TOX2: variants seen among roughly 807,000 people sequenced by gnomAD.
TOX2 encodes TOX high mobility group box family member 2.
A neutral mutation model predicts 47.4 loss-of-function variants in TOX2; 15 were observed. The observed-to-expected ratio is 0.32, with a 90% confidence interval of 0.21 to 0.49. The LOEUF (loss-of-function observed/expected upper bound fraction) is 0.49, where lower values mean the gene tolerates loss of function less well. TOX2 is among the 20% of genes least tolerant of loss of function. The probability of loss-of-function intolerance (pLI) is 0.99; values close to 1 mark genes in which losing one functional copy is unlikely to be tolerated. For missense variants in TOX2, 622 were observed against 673.1 expected (o/e 0.92, Z 0.84); for synonymous variants, 290 against 296.6 (o/e 0.98, Z 0.23).
intron 4 of TOX2, among the ~76,000 whole-genome samples, chr20:44,052,326 G>T (rs564993759): frequency 6.6e-6 from 1 of 152,222 alleles, no homozygotes; most frequent in Non-Finnish European, 1.5e-5. Flanking sequence ...AGAACATCTT[G>T]TCTTACCAGG....
chr20:43,919,693 G>T (rs1317309879), intron 1 of TOX2, among the ~76,000 whole-genome samples: 1 of 152,086 alleles, frequency 6.6e-6, no homozygotes, highest in Non-Finnish European at 1.5e-5. Context: ...CACTTGACAG[G>T]CCCCGGTGTG....
rs187870876 is a variant in TOX2 at position 44,011,262 on chromosome 20, C to A, written c.411+4470C>A. On this transcript the variant is annotated intron_variant, in intron 3 of 8. Coordinates refer to ENST00000341197, the MANE Select transcript of TOX2 (RefSeq NM_001098797.2). Reference sequence around the variant, plus strand: ...CTTTGGGGGACATTTTTCAACCTACCACAGTGATCCTCAGCTGTGCGACAG... The same window carrying A: ...CTTTGGGGGACATTTTTCAACCTACAACAGTGATCCTCAGCTGTGCGACAG... Among the ~76,000 whole-genome samples the A allele has an allele frequency of 7.2e-4, 109 of 152,238 alleles. 2 individuals are homozygous for A. The highest frequency in any genetic ancestry group is 4.8e-3 in the Admixed American group (74 of 15,290).
intron 3 of TOX2, among the ~76,000 whole-genome samples, chr20:44,046,853 CTG>C (rs1229033585): frequency 1.3e-5 from 2 of 151,928 alleles, no homozygotes. Flanking sequence ...TACCAAACCC[CTG>C]TGACATGCAA....
At chr20:43,996,656 G>GGTGT (rs144821338) in intron 2 of TOX2, among the ~76,000 whole-genome samples, 1 of 151,164 alleles carries the variant, frequency 6.6e-6, no homozygotes, top group African/African-American at 2.4e-5. Flanking sequence ...TTCTTGCTTG[G>GGTGT]GTGTGTGTGT....
intron 3 of TOX2, among the ~76,000 whole-genome samples, chr20:44,036,991 G>A (rs1341192551): frequency 1.3e-5 from 2 of 152,108 alleles, no homozygotes; most frequent in Non-Finnish European, 1.5e-5. Flanking sequence ...TTCTCGCTCT[G>A]TCGCCCAGGC....
At chr20:44,009,751 G>A (rs1443080634) in intron 3 of TOX2, among the ~76,000 whole-genome samples, 2 of 152,138 alleles carry the variant, frequency 1.3e-5, no homozygotes, top group African/African-American at 4.8e-5. Flanking sequence ...TCACTGCTCC[G>A]GACCATCCCT....
At chr20:44,047,015 A>T (rs977722651) in intron 3 of TOX2, among the ~76,000 whole-genome samples, 1 of 152,200 alleles carries the variant, frequency 6.6e-6, no homozygotes, top group Non-Finnish European at 1.5e-5. Context: ...TGATCTTGAT[A>T]ACAAAGGATA....
At chr20:44,033,913 G>C (rs1318721620) in intron 3 of TOX2, among the ~76,000 whole-genome samples, 2 of 152,184 alleles carry the variant, frequency 1.3e-5, no homozygotes, top group Non-Finnish European at 2.9e-5. Context: ...CCTTCTCAGA[G>C]GACTGAGACG....
intron 1 of TOX2, among the ~76,000 whole-genome samples, chr20:43,965,680 C>T (rs367992046): frequency 8.5e-5 from 13 of 152,268 alleles, no homozygotes; most frequent in African/African-American, 2.6e-4. Context: ...GCCTGGTACA[C>T]GATACAACAA....
chr20:44,052,351 C>T (rs981900971), intron 4 of TOX2, among the ~76,000 whole-genome samples: 4 of 152,188 alleles, frequency 2.6e-5, no homozygotes, highest in Non-Finnish European at 4.4e-5. Flanking sequence ...AAAACAGAGG[C>T]CCAGAAATGC....
At position 44,066,831 on chromosome 20, in the gene TOX2, T is replaced by A; in HGVS notation, c.1458T>A (p.Ser486Arg). Residue 486 changes from serine (S) to arginine (R), a missense_variant, in exon 8 of 9, where the codon AGT becomes AGA. Coordinates refer to ENST00000341197, the MANE Select transcript of TOX2 (RefSeq NM_001098797.2). ...SSGDWDSSYP[S>R]GECGISTCSL... Reference sequence around the variant, plus strand: ...GGGACTGGGACAGCAGCTACCCCAGTGGGGAGTGTGGCATCAGCACCTGCA... The same window carrying A: ...GGGACTGGGACAGCAGCTACCCCAGAGGGGAGTGTGGCATCAGCACCTGCA... 1.2e-6 allele frequency: 2 copies of A among 1,613,942 alleles called. No homozygotes were observed. Among genetic ancestry groups the A allele is most frequent in the Non-Finnish European group, 1.7e-6 (2 of 1,179,928 alleles).
chr20:43,981,794 C>T (rs2070173277), intron 2 of TOX2, among the ~76,000 whole-genome samples: 1 of 152,118 alleles, frequency 6.6e-6, no homozygotes, highest in South Asian at 2.1e-4. Context: ...GGTCATTGTT[C>T]TGGTCCCATG....
At chr20:43,927,374 G>A (rs1347723441) in intron 1 of TOX2, among the ~76,000 whole-genome samples, 2 of 151,586 alleles carry the variant, frequency 1.3e-5, no homozygotes, top group East Asian at 3.9e-4. Context: ...CTGTGGGCTG[G>A]TATTTTTGGC....
chr20:43,944,358 G>A (rs2069438833), intron 1 of TOX2, among the ~76,000 whole-genome samples: 1 of 152,214 alleles, frequency 6.6e-6, no homozygotes, highest in African/African-American at 2.4e-5. Context: ...AAGTAACTCA[G>A]GTGCAGGTGA....
rs545295555 is a variant in TOX2, at chr20:43,957,614, C to CA, written c.100-15752dup. On this transcript the variant is annotated intron_variant, in intron 1 of 8. Coordinates refer to ENST00000341197, the MANE Select transcript of TOX2 (RefSeq NM_001098797.2). ...GCTTAAACAAATATTTATTTTCTCA[C>CA]AGGGCTAGAGGTCAGAAGTATGAGA... is the stretch of plus-strand genomic sequence containing the variant. Among the ~76,000 whole-genome samples the CA allele has an allele frequency of 5.6e-4, 82 of 145,354 alleles. No individual in the cohort carries two copies. In the East Asian group the frequency reaches 0.016, roughly 29 times the overall value.
chr20:44,001,363 G>A (rs150740154), intron 2 of TOX2, among the ~76,000 whole-genome samples: 84 of 152,326 alleles, frequency 5.5e-4, no homozygotes, highest in African/African-American at 2.0e-3. Flanking sequence ...GAAGGTACAT[G>A]GACATGCTGG....
At chr20:44,016,122 C>G (rs1468938640) in intron 3 of TOX2, among the ~76,000 whole-genome samples, 1 of 151,848 alleles carries the variant, frequency 6.6e-6, no homozygotes, top group Non-Finnish European at 1.5e-5. Context: ...GGGATGCGTT[C>G]ACACTGGGAG....
At chr20:43,930,657 A>G (rs1264335449) in intron 1 of TOX2, among the ~76,000 whole-genome samples, 1 of 152,144 alleles carries the variant, frequency 6.6e-6, no homozygotes, top group African/African-American at 2.4e-5. Flanking sequence ...CGGAGATAAT[A>G]AAATCTCTCT....
intron 5 of TOX2, among the ~76,000 whole-genome samples, chr20:44,054,821 T>C (rs1024427806): frequency 6.6e-6 from 1 of 152,196 alleles, no homozygotes; most frequent in African/African-American, 2.4e-5. Flanking sequence ...CCATCCATCT[T>C]GTCCCACCAA....
Sources: allele counts gnomAD v4.1 joint callset (sites outside exome capture counted in the v4.1 genomes callset), GRCh38; gene constraint gnomAD v4.1.1; transcripts MANE v1.5; gene names NCBI Gene and HGNC (gene_info 2026-07-23, HGNC 2026-07-21).